Variants in LSAMP observed in about 807,000 individuals in gnomAD.
LSAMP encodes the protein limbic system associated membrane protein.
LSAMP carries 7 observed loss-of-function variants against 38.6 expected under a neutral mutation model. The observed-to-expected ratio is 0.18, with a 90% CI of 0.10 to 0.34. LSAMP has a LOEUF of 0.34. Among genes scored for constraint, LSAMP ranks in the 10% least tolerant of loss-of-function variants. The pLI is 1.00. For synonymous variants in LSAMP, 154 were observed against 166.8 expected, an observed-to-expected ratio of 0.92 and a Z score of 0.59; for missense variants, 313 against 420.0, an observed-to-expected ratio of 0.75 and a Z score of 2.23.
chr3:115,905,731 T>C (rs1936992175), intron 3 of LSAMP, among the ~76,000 whole-genome samples: 1 of 152,108 alleles, frequency 6.6e-6, no homozygotes, highest in Non-Finnish European at 1.5e-5. Flanking sequence ...CGATAAAAGA[T>C]GCTAAGATGC....
At chr3:116,159,085 C>T (rs1443292618) in intron 1 of LSAMP, among the ~76,000 whole-genome samples, 4 of 152,086 alleles carry the variant, frequency 2.6e-5, no homozygotes, top group South Asian at 2.1e-4. Context: ...CCCTTCTTTA[C>T]ACCATATACA....
intron 3 of LSAMP, among the ~76,000 whole-genome samples, chr3:115,988,858 T>C (rs1293004092): frequency 1.3e-5 from 2 of 152,136 alleles, no homozygotes; most frequent in African/African-American, 4.8e-5. Flanking sequence ...TTATCTATTT[T>C]GTTCTCTTTC....
At chr3:116,297,745 A>G (rs1258178622) in intron 1 of LSAMP, among the ~76,000 whole-genome samples, 3 of 152,192 alleles carry the variant, frequency 2.0e-5, no homozygotes. Context: ...TTTTCTGTAC[A>G]TTGGTTTATT....
intron 3 of LSAMP, among the ~76,000 whole-genome samples, chr3:115,921,618 TA>T (rs1465104762): frequency 2.6e-5 from 4 of 152,114 alleles, no homozygotes; most frequent in Non-Finnish European, 5.9e-5. Context: ...CTGTATTTAT[TA>T]ATATATTTAC....
intron 1 of LSAMP, among the ~76,000 whole-genome samples, chr3:116,127,100 G>A (rs1709025184): frequency 6.6e-6 from 1 of 152,122 alleles, no homozygotes; most frequent in African/African-American, 2.4e-5. Context: ...TATTTACAGG[G>A]AATAAACCAA....
At chr3:116,443,384 C>T (rs1181392123) in intron 1 of LSAMP, among the ~76,000 whole-genome samples, 1 of 152,056 alleles carries the variant, frequency 6.6e-6, no homozygotes, top group African/African-American at 2.4e-5. Context: ...TCGTAATCAC[C>T]CAAAGCTCAG....
intron 3 of LSAMP, among the ~76,000 whole-genome samples, chr3:116,003,724 G>A (rs533057792): frequency 6.6e-6 from 1 of 152,266 alleles, no homozygotes; most frequent in Admixed American, 6.6e-5. Context: ...CAAAAACACA[G>A]AAGACAAGGC....
intron 1 of LSAMP, among the ~76,000 whole-genome samples, chr3:116,291,351 TG>T (rs767151285): frequency 2.0e-5 from 3 of 152,196 alleles, no homozygotes; most frequent in Non-Finnish European, 4.4e-5. Context: ...CCAAAAGCAC[TG>T]GCTTAGAAGT....
Position 116,012,102 on chromosome 3 carries a change from T to G in LSAMP, c.514+7413A>C, listed in dbSNP as rs549184499. Among the ~76,000 whole-genome samples, 11 of 152,304 alleles carry G rather than the reference T, an allele frequency of 7.2e-5. 1 individual carries two copies. Among genetic ancestry groups the G allele is most frequent in the African/African-American group, 2.4e-4 (10 of 41,572 alleles). On this transcript the variant is annotated intron_variant, in intron 3 of 6. Coordinates refer to ENST00000490035, the MANE Select transcript of LSAMP (RefSeq NM_002338.5). ...CCATATCAACACAGTGTGAATCCTT[T>G]TGCATCCTGTTTCTTAGTGGCTTGG...
chr3:116,288,397 G>C (rs1006979011), intron 1 of LSAMP, among the ~76,000 whole-genome samples: 1 of 152,192 alleles, frequency 6.6e-6, no homozygotes, highest in Non-Finnish European at 1.5e-5. Flanking sequence ...CTGCCATTTA[G>C]CCAGTGCCTG....
intron 1 of LSAMP, among the ~76,000 whole-genome samples, chr3:116,202,140 TTTC>T (rs1159247194): frequency 2.8e-5 from 4 of 144,206 alleles, no homozygotes; most frequent in African/African-American, 1.0e-4. Context: ...TTTCCTTTCT[TTTC>T]TTTTTTTTTT....
At chr3:115,867,959 A>G (rs546299405) in intron 3 of LSAMP, among the ~76,000 whole-genome samples, 2 of 152,308 alleles carry the variant, frequency 1.3e-5, no homozygotes, top group East Asian at 3.9e-4. Context: ...CATTCCTGAC[A>G]ATACAGTGAT....
At chr3:116,281,415 T>TAGAA (rs1054593647) in intron 1 of LSAMP, among the ~76,000 whole-genome samples, 2 of 152,128 alleles carry the variant, frequency 1.3e-5, no homozygotes, top group Non-Finnish European at 2.9e-5. Context: ...ATTTTATAAT[T>TAGAA]AGAAAGAATG....
chr3:115,979,960 C>G (rs1335697525), intron 3 of LSAMP, among the ~76,000 whole-genome samples: 1 of 152,042 alleles, frequency 6.6e-6, no homozygotes, highest in Non-Finnish European at 1.5e-5. Context: ...TAGCATAGTT[C>G]TTTACATAGT....
intron 3 of LSAMP, among the ~76,000 whole-genome samples, chr3:115,962,613 G>A (rs1477566524): frequency 1.3e-5 from 2 of 152,110 alleles, no homozygotes; most frequent in East Asian, 3.9e-4. Context: ...ATATGTGAAA[G>A]GAATCTCTAA....
chr3:115,872,129 G>C (rs1936057796), intron 3 of LSAMP, among the ~76,000 whole-genome samples: 1 of 152,036 alleles, frequency 6.6e-6, no homozygotes, highest in Non-Finnish European at 1.5e-5. Flanking sequence ...CTCTGAAAAT[G>C]AGTGAATTAG....
At chr3:115,985,655 G>A (rs1459680351) in intron 3 of LSAMP, among the ~76,000 whole-genome samples, 1 of 152,168 alleles carries the variant, frequency 6.6e-6, no homozygotes, top group African/African-American at 2.4e-5. Flanking sequence ...TCACTCACTG[G>A]CTTTCACTGT....
At chr3:116,112,311 G>T (rs1708633587) in intron 1 of LSAMP, among the ~76,000 whole-genome samples, 1 of 152,150 alleles carries the variant, frequency 6.6e-6, no homozygotes, top group African/African-American at 2.4e-5. Context: ...TCAATAAAAG[G>T]ACGCATAAGT....
intron 1 of LSAMP, among the ~76,000 whole-genome samples, chr3:116,317,337 G>C (rs1366155037): frequency 6.6e-6 from 1 of 151,696 alleles, no homozygotes; most frequent in South Asian, 2.1e-4. Flanking sequence ...AATACAAAGA[G>C]AGCCCAATCT....
Sources: allele counts gnomAD v4.1 joint callset (sites outside exome capture counted in the v4.1 genomes callset), GRCh38; gene constraint gnomAD v4.1.1; transcripts MANE v1.5; gene names NCBI Gene and HGNC (gene_info 2026-07-23, HGNC 2026-07-21).